The following CKLF variants were observed in gnomAD, a reference collection of about 807,000 sequenced individuals.
CKLF encodes chemokine-like factor.
CKLF carries 16 observed loss-of-function variants against 12.9 expected under a neutral mutation model. The ratio of observed to expected loss-of-function variants is 1.24; its 90% CI spans 0.84 to 1.88. The LOEUF (loss-of-function observed/expected upper bound fraction) is 1.88, where lower values mean the gene tolerates loss of function less well. CKLF is among the 40% of genes most tolerant of loss of function. The probability of loss-of-function intolerance (pLI) is 0.00; values close to 1 mark genes in which losing one functional copy is unlikely to be tolerated. For missense variants in CKLF, 172 were observed against 188.5 expected, an observed-to-expected ratio of 0.91 and a Z score of 0.51; for synonymous variants, 61 against 69.0, an observed-to-expected ratio of 0.88 and a Z score of 0.57.
At position 66,558,294 on chromosome 16, in the gene CKLF, T is replaced by G. The variant is rs1459423569; in HGVS notation, c.183T>G (p.Leu61=). The part of the protein sequence containing the change: ...FEVTVILFFI[L]LYVLRLDRLM... ...TCACCGTTATCTTATTTTTCATACT[T>G]TTATATGTACTCAGACTTGATCGAT... The change falls in exon 2 of 4, where the codon CTT becomes CTG. Residue 61 remains leucine (L), a synonymous_variant. Coordinates refer to ENST00000264001, the MANE Select transcript of CKLF (RefSeq NM_016951.4). 12 of 1,614,004 alleles carry G rather than the reference T, an allele frequency of 7.4e-6. No individual in the cohort carries two copies. The highest frequency in any genetic ancestry group is 1.0e-5 in the Non-Finnish European group (12 of 1,180,014).
At position 66,552,749 on chromosome 16, in the gene CKLF, C is replaced by G. The variant is rs1424999930; in HGVS notation, c.34C>G (p.Pro12Ala). The change falls in exon 1 of 4, where the codon CCC becomes GCC. Residue 12 changes from proline (P) to alanine (A), a missense_variant. Coordinates refer to ENST00000264001, the MANE Select transcript of CKLF (RefSeq NM_016951.4). ...DNVQPKIKHR[P>A]FCFSVKGHVK... ...CGTGCAGCCGAAAATAAAACATCGC[C>G]CCTTCTGCTTCAGTGTGAAAGGCCA... is the stretch of plus-strand genomic sequence containing the variant. 1 of 1,614,162 alleles carries G rather than the reference C, an allele frequency of 6.2e-7. No homozygotes were observed. Among genetic ancestry groups the G allele is most frequent in the African/African-American group, 1.3e-5 (1 of 75,064 alleles).
rs544622196 is a variant in CKLF at position 66,552,605 on chromosome 16, G to C, written c.-111G>C. The C allele has an allele frequency of 6.5e-7, 1 of 1,541,310 alleles. No individual in the cohort carries two copies. Among genetic ancestry groups the C allele is most frequent in the Non-Finnish European group, 8.9e-7 (1 of 1,121,942 alleles). ...GGAAGCCGAGCTGGGCGAGAAGTAG[G>C]GGAGGGCGGTGCTCCGCCGCGGTGG... On this transcript the variant is annotated 5_prime_UTR_variant, in exon 1 of 4. Coordinates refer to ENST00000264001, the MANE Select transcript of CKLF (RefSeq NM_016951.4).
intron 1 of CKLF, among the ~76,000 whole-genome samples, chr16:66,553,181 A>ACAAAAAAAAG (rs1567548043): frequency 1.3e-5 from 2 of 151,566 alleles, no homozygotes; most frequent in African/African-American, 4.9e-5. Flanking sequence ...ACAAAAAAAA[A>ACAAAAAAAAG]CCCTTTTTTT....
intron 2 of CKLF, 65 bp downstream of exon 2, chr16:66,558,413 T>C: frequency 6.4e-7 from 1 of 1,553,996 alleles, no homozygotes; most frequent in Non-Finnish European, 8.6e-7. Flanking sequence ...TCTAATGAAC[T>C]CTGTTTTTTG....
chr16:66,558,892 A>G (rs990188203), intron 2 of CKLF, among the ~76,000 whole-genome samples: 1 of 152,254 alleles, frequency 6.6e-6, no homozygotes, highest in African/African-American at 2.4e-5. Flanking sequence ...GTAACCTGCC[A>G]TACTCATATA....
Position 66,552,782 on chromosome 16 carries a change from A to G in CKLF, c.67A>G (p.Met23Val). 6.2e-7 allele frequency: 1 copy of G among 1,614,066 alleles called. No homozygotes were observed. Among genetic ancestry groups the G allele is most frequent in the Non-Finnish European group, 8.5e-7 (1 of 1,179,930 alleles). The change falls in exon 1 of 4, where the codon ATG (methionine) becomes GTG (valine). Residue 23 changes from methionine to valine, a missense_variant. Physicochemically the swap from Met to Val is conservative, Grantham distance 21. Transcript: ENST00000264001. ...FCFSVKGHVK[M>V]LRLALTVTSM... ...CTTCAGTGTGAAAGGCCACGTGAAG[A>G]TGCTGCGGCTGGTGAGGCCGGGCCG...
intron 2 of CKLF, 131 bp downstream of exon 2, chr16:66,558,479 C>T (rs1461183804): frequency 2.3e-6 from 3 of 1,317,746 alleles, no homozygotes; most frequent in Non-Finnish European, 3.1e-6. Context: ...GGAGCTCTAC[C>T]CATTGCTAAT....
At chr16:66,563,583 T>A (rs2011904536) in intron 3 of CKLF, among the ~76,000 whole-genome samples, 1 of 152,210 alleles carries the variant, frequency 6.6e-6, no homozygotes, top group South Asian at 2.1e-4. Flanking sequence ...CTCTCCCTTT[T>A]ACAGAAAAGG....
At chr16:66,562,230 G>A (rs909290224) in intron 2 of CKLF, among the ~76,000 whole-genome samples, 4 of 151,880 alleles carry the variant, frequency 2.6e-5, no homozygotes, top group East Asian at 1.9e-4. Context: ...AACTACAGGC[G>A]CTCACCACCA....
intron 3 of CKLF, among the ~76,000 whole-genome samples, chr16:66,564,908 T>A (rs2012092181): frequency 1.3e-5 from 2 of 152,176 alleles, no homozygotes; most frequent in South Asian, 4.1e-4. Flanking sequence ...TGCTTAGAGC[T>A]TAACACAGGA....
chr16:66,553,048 A>C (rs1271458220), intron 1 of CKLF, among the ~76,000 whole-genome samples: 1 of 152,050 alleles, frequency 6.6e-6, no homozygotes, highest in East Asian at 1.9e-4. Context: ...TGGTCCCAGC[A>C]CTTTGGGAGG....
At chr16:66,553,953 T>C (rs767428914) in intron 1 of CKLF, among the ~76,000 whole-genome samples, 1 of 152,236 alleles carries the variant, frequency 6.6e-6, no homozygotes, top group Non-Finnish European at 1.5e-5. Context: ...GAAACCACTC[T>C]GGAGTTGAGG....
intron 2 of CKLF, among the ~76,000 whole-genome samples, chr16:66,560,237 T>A (rs775622444): frequency 6.6e-6 from 1 of 152,092 alleles, no homozygotes; most frequent in Non-Finnish European, 1.5e-5. Context: ...TGCAGGTGTA[T>A]CTGAATGGTT....
intron 3 of CKLF, among the ~76,000 whole-genome samples, chr16:66,563,875 C>T (rs2011932089): frequency 6.6e-6 from 1 of 152,178 alleles, no homozygotes; most frequent in Non-Finnish European, 1.5e-5. Flanking sequence ...AATCATTTAG[C>T]TTTTCTAGGT....
At chr16:66,564,266 A>G (rs909596040) in intron 3 of CKLF, among the ~76,000 whole-genome samples, 8 of 152,188 alleles carry the variant, frequency 5.3e-5, no homozygotes, top group African/African-American at 1.9e-4. Context: ...TGCTAGCCAC[A>G]TGGGGCTACT....
chr16:66,555,135 G>A (rs2011379668), intron 1 of CKLF, among the ~76,000 whole-genome samples: 1 of 152,152 alleles, frequency 6.6e-6, no homozygotes, highest in Non-Finnish European at 1.5e-5. Context: ...TACTCGGGAG[G>A]CTGAGGCAGG....
At chr16:66,560,798 TACACACACACACACACACACACACAC>T (rs58084691) in intron 2 of CKLF, among the ~76,000 whole-genome samples, 1 of 143,758 alleles carries the variant, frequency 7.0e-6, no homozygotes, top group Non-Finnish European at 1.5e-5. Context: ...AAGATAAGTA[TACACACACACACACACACACACACAC>T]ACACACACAC....
At position 66,558,272 on chromosome 16, in the gene CKLF, C is replaced by T; in HGVS notation, c.161C>T (p.Thr54Ile). 6.2e-7 allele frequency: 1 copy of T among 1,613,756 alleles called. No homozygotes were observed. Among genetic ancestry groups the T allele is most frequent in the Non-Finnish European group, 8.5e-7 (1 of 1,179,972 alleles). Residue 54 changes from threonine to isoleucine, a missense_variant, in exon 2 of 4, where the codon ACC becomes ATC. Physicochemically the swap from Thr to Ile is moderately conservative, Grantham distance 89. Coordinates refer to ENST00000264001, the MANE Select transcript of CKLF (RefSeq NM_016951.4). ...ATTGTTATCACTGGATTTGAAGTCA[C>T]CGTTATCTTATTTTTCATACTTTTA... Reference protein sequence around the residue: ...PYIVITGFEVTVILFFILLYV... With the variant: ...PYIVITGFEVIVILFFILLYV...
Position 66,565,964 on chromosome 16 carries a change from G to A in CKLF, c.412G>A (p.Gly138Ser). The A allele has an allele frequency of 3.7e-6, 6 of 1,613,418 alleles. No homozygotes were observed. Among genetic ancestry groups the A allele is most frequent in the African/African-American group, 1.3e-5 (1 of 74,962 alleles). ...CCGGAAGCTTCTGTTCAATCCCAGC[G>A]GTCCTTACCAGAAAAAGCCTGTGCA... ...IYRKLLFNPS[G>S]PYQKKPVHEK... The change falls in exon 4 of 4, where the codon GGT becomes AGT. Residue 138 changes from glycine (G) to serine (S), a missense_variant. Gly to Ser is a moderately conservative substitution (Grantham distance 56). Coordinates refer to ENST00000264001, the MANE Select transcript of CKLF (RefSeq NM_016951.4).
Sources: gnomAD v4.1 joint callset for allele counts (sites outside exome capture counted in the v4.1 genomes callset) on GRCh38, gnomAD v4.1.1 for gene constraint, MANE v1.5 for transcripts, NCBI Gene and HGNC (gene_info 2026-07-23, HGNC 2026-07-21) for gene names.